The following CACNA1C variants were observed in gnomAD, a reference collection of about 807,000 sequenced individuals.
CACNA1C encodes voltage-dependent L-type calcium channel subunit alpha-1C.
CACNA1C carries 30 observed loss-of-function variants against 229.0 expected under a neutral mutation model. That is an observed-to-expected ratio of 0.13 (90% CI 0.10 to 0.18). CACNA1C has a LOEUF of 0.18. Among genes scored for constraint, CACNA1C ranks in the 10% least tolerant of loss-of-function variants. CACNA1C has a pLI of 1.00. For synonymous variants in CACNA1C, 1,114 were observed against 1,132.5 expected (o/e 0.98, Z 0.33); for missense variants, 1,658 against 2,845.0 (o/e 0.58, Z 9.49).
rs1396566532 is a variant in CACNA1C at position 2,566,868 on chromosome 12, G to C, written c.1669+286G>C. ...GTGATGAGGAAAGGGGCTGCAGCTT[G>C]TTTGCCTATCTCAGACTCCTGGCTG... On this transcript the variant is annotated intron_variant, in intron 12 of 46. Coordinates refer to ENST00000399655, the MANE Select transcript of CACNA1C (RefSeq NM_000719.7). The surrounding 1 kb of genome is among the most constrained non-coding windows in gnomAD (Gnocchi z 4.0). Among the ~76,000 whole-genome samples the C allele has an allele frequency of 6.6e-6, 1 of 152,204 alleles. No homozygotes were observed. Among genetic ancestry groups the C allele is most frequent in the African/African-American group, 2.4e-5 (1 of 41,448 alleles).
At chr12:2,421,125 C>T (rs886213452) in intron 3 of CACNA1C, among the ~76,000 whole-genome samples, 2 of 152,156 alleles carry the variant, frequency 1.3e-5, no homozygotes, top group African/African-American at 4.8e-5. Context: ...ATACTTCCAA[C>T]CCAAACGTGC....
intron 9 of CACNA1C, among the ~76,000 whole-genome samples, chr12:2,544,783 T>C (rs931207986): frequency 6.6e-6 from 1 of 152,206 alleles, no homozygotes; most frequent in African/African-American, 2.4e-5. Context: ...CGGGTGAATA[T>C]GGGCAGATGA....
intron 1 of CACNA1C, among the ~76,000 whole-genome samples, chr12:2,022,070 CT>C (rs1276944677): frequency 6.6e-6 from 1 of 152,318 alleles, no homozygotes; most frequent in East Asian, 1.9e-4. Context: ...TTGGCAAGTT[CT>C]CCCCACATCT....
intron 3 of CACNA1C, among the ~76,000 whole-genome samples, chr12:2,324,267 C>T (rs967794517): frequency 2.0e-5 from 3 of 152,186 alleles, no homozygotes; most frequent in Non-Finnish European, 4.4e-5. Context: ...GTGAAACCAC[C>T]TCACAGGGCC....
rs3085990 is a variant in CACNA1C at position 2,067,481 on chromosome 12, T to TGTGTGCGCGC, written c.49+13871_49+13872insTGTGCGCGCG. Among the ~76,000 whole-genome samples, 44 of 140,892 alleles carry TGTGTGCGCGC rather than the reference T, an allele frequency of 3.1e-4. No homozygotes were observed. The highest frequency in any genetic ancestry group is 4.3e-4 in the Non-Finnish European group (28 of 65,680). 92.4% of individuals were successfully genotyped at this position (140,892 alleles called of 152,430 possible). A position where few individuals can be genotyped will look rare whatever the true frequency, so the allele number is the denominator to read the frequency against. On this transcript the variant is annotated intron_variant, in intron 1 of 46. Transcript: ENST00000399655. The surrounding 1 kb of genome is among the most constrained non-coding windows in gnomAD (Gnocchi z 5.3). ...GTGTGTGTGTGTGTGTGTGTGTGTG[T>TGTGTGCGCGC]GCGCGCGTGTGCGTGCCTGTATGTA...
chr12:1,992,166 T>C (rs184798107), intron 1 of CACNA1C: 236 of 191,962 alleles, frequency 1.2e-3, no homozygotes, highest in Non-Finnish European at 2.4e-3. Context: ...AATATTTTTC[T>C]ATATTGCAAA....
At chr12:2,157,305 C>T (rs979078484) in intron 3 of CACNA1C, among the ~76,000 whole-genome samples, 2 of 152,074 alleles carry the variant, frequency 1.3e-5, no homozygotes, top group Non-Finnish European at 2.9e-5. Flanking sequence ...TTAATTAGAC[C>T]TCAGACCCCT....
intron 3 of CACNA1C, among the ~76,000 whole-genome samples, chr12:2,309,653 C>T (rs993013756): frequency 2.6e-5 from 4 of 152,098 alleles, no homozygotes; most frequent in Non-Finnish European, 5.9e-5. Context: ...AAACTGTAAA[C>T]TATAGCTATA....
chr12:2,474,421 A>G (rs2099610564), intron 5 of CACNA1C, among the ~76,000 whole-genome samples: 1 of 152,202 alleles, frequency 6.6e-6, no homozygotes, highest in Admixed American at 6.5e-5. Flanking sequence ...TGTGGCAGGA[A>G]AAGCTACAGG....
At chr12:2,116,167 C>A (rs2083752408) in intron 2 of CACNA1C, among the ~76,000 whole-genome samples, 1 of 152,092 alleles carries the variant, frequency 6.6e-6, no homozygotes, top group African/African-American at 2.4e-5. Flanking sequence ...AACAAACAAA[C>A]AAAAAACAAC....
At chr12:2,103,943 G>C (rs969670068) in intron 1 of CACNA1C, among the ~76,000 whole-genome samples, 3 of 152,140 alleles carry the variant, frequency 2.0e-5, no homozygotes, top group Non-Finnish European at 4.4e-5. Flanking sequence ...CTATATATCT[G>C]TTTTGGTACC....
chr12:2,493,009 T>G lies in CACNA1C; in HGVS notation c.917-181T>G. Among the ~76,000 whole-genome samples the G allele has an allele frequency of 6.6e-6, 1 of 152,222 alleles. No homozygotes were observed. On this transcript the variant is annotated intron_variant, in intron 6 of 46. Coordinates refer to ENST00000399655, the MANE Select transcript of CACNA1C (RefSeq NM_000719.7). This position sits in a 1 kb window ranked among gnomAD's most constrained non-coding sequence, Gnocchi z 4.6. The stretch of plus-strand genomic sequence containing the variant: ...AGCAGCCTAAATGGAAAGCCTACTT[T>G]CTTGTGTTGCTTAATTCACATCTGG...
intron 3 of CACNA1C, among the ~76,000 whole-genome samples, chr12:2,256,071 T>TGAC (rs1566709880): frequency 9.2e-5 from 14 of 152,234 alleles, no homozygotes; most frequent in South Asian, 6.2e-4. Flanking sequence ...GATCCTGACC[T>TGAC]TACTAGTTTA....
In CACNA1C at chr12:2,677,913, T is replaced by G. The variant is rs768290616; in HGVS notation, c.5091+46T>G. The G allele has an allele frequency of 2.5e-6, 4 of 1,606,536 alleles. No homozygotes were observed. The highest frequency in any genetic ancestry group is 2.2e-5 in the South Asian group (2 of 90,850). ...CTCTCGACCCCTATAAAGTTCAGTTTGGAGCAAGAGGTTGGGCTGGGGTTT... is the reference window on the plus strand; with the variant it reads ...CTCTCGACCCCTATAAAGTTCAGTTGGGAGCAAGAGGTTGGGCTGGGGTTT... On this transcript the variant is annotated intron_variant, in intron 41 of 46. Coordinates refer to ENST00000399655, the MANE Select transcript of CACNA1C (RefSeq NM_000719.7). The surrounding 1 kb of genome is among the most constrained non-coding windows in gnomAD (Gnocchi z 7.4).
intron 1 of CACNA1C, among the ~76,000 whole-genome samples, chr12:2,065,969 C>T (rs189323316): frequency 6.6e-6 from 1 of 152,164 alleles, no homozygotes; most frequent in Admixed American, 6.5e-5. Context: ...GAAGAGTTTG[C>T]ATGGCATTTG....
chr12:2,381,507 G>C (rs1485953863), intron 3 of CACNA1C, among the ~76,000 whole-genome samples: 1 of 152,232 alleles, frequency 6.6e-6, no homozygotes, highest in African/African-American at 2.4e-5. Flanking sequence ...TTCCAGGAAA[G>C]TTCCCCAGAT....
chr12:2,042,827 C>G (rs2050359750), intron 1 of CACNA1C, among the ~76,000 whole-genome samples: 1 of 152,200 alleles, frequency 6.6e-6, no homozygotes, highest in African/African-American at 2.4e-5. Flanking sequence ...ACACAAGTTT[C>G]AAGATGTCCT....
At chr12:2,240,623 G>A (rs1012006166) in intron 3 of CACNA1C, among the ~76,000 whole-genome samples, 2 of 152,220 alleles carry the variant, frequency 1.3e-5, no homozygotes, top group Admixed American at 1.3e-4. Context: ...TCAGCGTTGG[G>A]CACACCATCC....
At position 2,512,667 on chromosome 12, in the gene CACNA1C, G is replaced by A; in HGVS notation, c.1218-145G>A. Reference sequence around the variant, plus strand: ...CTAGCGGAGCTGTCTGTGGAAAGTAGGGGCGTGTGGGCAGGTTTCTCCCTG... The same window carrying A: ...CTAGCGGAGCTGTCTGTGGAAAGTAAGGGCGTGTGGGCAGGTTTCTCCCTG... On this transcript the variant is annotated intron_variant, in intron 8 of 46. Transcript: ENST00000399655. This position sits in a 1 kb window ranked among gnomAD's most constrained non-coding sequence, Gnocchi z 4.3. 5.0e-6 allele frequency: 3 copies of A among 596,774 alleles called. No individual in the cohort carries two copies. The highest frequency in any genetic ancestry group is 8.7e-6 in the Non-Finnish European group (3 of 343,672). 37.0% of individuals were successfully genotyped at this position (596,774 alleles called of 1,614,324 possible). A position where few individuals can be genotyped will look rare whatever the true frequency, so the allele number is the denominator to read the frequency against.
Sources: gnomAD v4.1 joint callset for allele counts (sites outside exome capture counted in the v4.1 genomes callset) on GRCh38, gnomAD v4.1.1 for gene constraint, Gnocchi (gnomAD v3.1) non-coding constraint, MANE v1.5 for transcripts, NCBI Gene and HGNC (gene_info 2026-07-23, HGNC 2026-07-21) for gene names.